The following PPP3CC variants were observed in gnomAD, a reference collection of about 807,000 sequenced individuals.
PPP3CC encodes protein phosphatase 3 catalytic subunit gamma.
In PPP3CC, 35 loss-of-function variants were observed where a neutral mutation model predicts 60.3. The ratio of observed to expected loss-of-function variants is 0.58; its 90% CI spans 0.44 to 0.77. PPP3CC has a LOEUF of 0.77. Ranked by LOEUF, PPP3CC falls within the 30% of genes least tolerant of loss-of-function variation. The pLI is 0.00. For synonymous variants in PPP3CC, 206 were observed against 224.3 expected (o/e 0.92, Z 0.73); for missense variants, 570 against 628.9 (o/e 0.91, Z 1.00).
intron 3 of PPP3CC, chr8:22,492,875 A>G (rs757777379): frequency 2.1e-5 from 23 of 1,084,476 alleles, no homozygotes; most frequent in Non-Finnish European, 3.1e-5. Flanking sequence ...TCACCATTAC[A>G]GGCCATGCTG....
At chr8:22,472,945 A>C (rs1315094280) in intron 1 of PPP3CC, among the ~76,000 whole-genome samples, 1 of 152,128 alleles carries the variant, frequency 6.6e-6, no homozygotes, top group African/African-American at 2.4e-5. Flanking sequence ...TTTCAGCTCC[A>C]TTTAACTACA....
chr8:22,446,097 C>T (rs76362810), intron 1 of PPP3CC, among the ~76,000 whole-genome samples: 2,997 of 152,056 alleles, frequency 0.02, 61 homozygotes, highest in East Asian at 0.085. Flanking sequence ...TTTTGCCTTA[C>T]GTAATTTTTA....
intron 12 of PPP3CC, 122 bp from the exon 13 acceptor site, chr8:22,539,347 T>G: frequency 1.1e-6 from 1 of 885,942 alleles, no homozygotes; most frequent in South Asian, 1.8e-5. Flanking sequence ...TGACTTTCAT[T>G]ATGGATGGGG....
chr8:22,503,952 C>T (rs1246355359), intron 4 of PPP3CC, among the ~76,000 whole-genome samples: 1 of 152,136 alleles, frequency 6.6e-6, no homozygotes, highest in Non-Finnish European at 1.5e-5. Context: ...GATCTCTCTT[C>T]AGTGGCCACT....
chr8:22,476,468 T>C (rs1208394055), intron 3 of PPP3CC, among the ~76,000 whole-genome samples: 1 of 152,240 alleles, frequency 6.6e-6, no homozygotes, highest in Non-Finnish European at 1.5e-5. Flanking sequence ...AGTGTGTTTC[T>C]GGTGGTTAAA....
Position 22,528,252 on chromosome 8 carries a change from C to G in PPP3CC, c.1070-254C>G, listed in dbSNP as rs1167218588. The stretch of plus-strand genomic sequence containing the variant: ...GTGGGAAGAAGCTCTGAACAGCAAT[C>G]CGGTAAAATCAAGTAATTAGGCAAT... On this transcript the variant is annotated intron_variant, in intron 9 of 13. Coordinates refer to ENST00000240139, the MANE Select transcript of PPP3CC (RefSeq NM_005605.5). Among the ~76,000 whole-genome samples, 3 of 152,178 alleles carry G rather than the reference C, an allele frequency of 2.0e-5. No homozygotes were observed. In the East Asian group the frequency reaches 5.8e-4, roughly 29 times the overall value.
At chr8:22,447,068 C>G (rs966355497) in intron 1 of PPP3CC, among the ~76,000 whole-genome samples, 5 of 151,672 alleles carry the variant, frequency 3.3e-5, no homozygotes, top group Non-Finnish European at 7.4e-5. Context: ...AGTACAGTGG[C>G]GCGATCATGG....
In PPP3CC at chr8:22,498,009, G is replaced by A; in HGVS notation, c.381G>A (p.Leu127=). Residue 127 remains leucine, a synonymous_variant, in exon 4 of 14, where the codon CTG becomes CTA. Coordinates refer to ENST00000240139, the MANE Select transcript of PPP3CC (RefSeq NM_005605.5). ...DRGYFSIECV[L]YLWSLKINHP... Reference sequence around the variant, plus strand: ...TTGAATTTGTCTTGTAGTGTGTGCTGTATTTATGGAGTTTAAAGATTAATC... The same window carrying A: ...TTGAATTTGTCTTGTAGTGTGTGCTATATTTATGGAGTTTAAAGATTAATC... The A allele has an allele frequency of 6.2e-7, 1 of 1,609,368 alleles. No homozygotes were observed. Among genetic ancestry groups the A allele is most frequent in the Non-Finnish European group, 8.5e-7 (1 of 1,176,874 alleles).
chr8:22,492,889 C>T, intron 3 of PPP3CC: 16 of 1,151,002 alleles, frequency 1.4e-5, no homozygotes, highest in Non-Finnish European at 2.0e-5. Context: ...CATGCTGAGA[C>T]AAAGCAGCTG....
chr8:22,520,385 A>G (rs2117114775), intron 6 of PPP3CC, among the ~76,000 whole-genome samples: 1 of 152,228 alleles, frequency 6.6e-6, no homozygotes, highest in East Asian at 1.9e-4. Flanking sequence ...GTTAGCCTTT[A>G]GTTTTTAAAA....
chr8:22,473,831 A>G (rs569329471), intron 1 of PPP3CC, among the ~76,000 whole-genome samples: 1 of 152,242 alleles, frequency 6.6e-6, no homozygotes, highest in Admixed American at 6.5e-5. Context: ...CCATCTTGGT[A>G]GTAGTGTTCT....
At chr8:22,468,754 G>A (rs1255551452) in intron 1 of PPP3CC, among the ~76,000 whole-genome samples, 1 of 152,118 alleles carries the variant, frequency 6.6e-6, no homozygotes, top group Non-Finnish European at 1.5e-5. Flanking sequence ...TTGGTGACGG[G>A]CCATTTTTCC....
chr8:22,533,392 T>G (rs1839769036), intron 12 of PPP3CC, among the ~76,000 whole-genome samples: 1 of 152,074 alleles, frequency 6.6e-6, no homozygotes, highest in Non-Finnish European at 1.5e-5. Context: ...AGACACAAAA[T>G]GGAAGAAAAT....
At chr8:22,475,435 T>C in intron 2 of PPP3CC, 65 bp from the exon 3 acceptor site, 1 of 1,503,594 alleles carries the variant, frequency 6.7e-7, no homozygotes, top group Non-Finnish European at 9.0e-7. Flanking sequence ...GTGATCCCTT[T>C]TGGTGTAATG....
chr8:22,508,608 G>A (rs1024551776), intron 4 of PPP3CC, among the ~76,000 whole-genome samples: 29 of 152,110 alleles, frequency 1.9e-4, no homozygotes, highest in African/African-American at 7.0e-4. Context: ...AGTCATTCTT[G>A]GGATTGAAAG....
chr8:22,537,073 T>C (rs1290075585), intron 12 of PPP3CC, among the ~76,000 whole-genome samples: 5 of 152,188 alleles, frequency 3.3e-5, no homozygotes, highest in Admixed American at 1.3e-4. Context: ...AGATCAGTTA[T>C]AAATTGGACT....
At chr8:22,446,883 C>T (rs907460903) in intron 1 of PPP3CC, among the ~76,000 whole-genome samples, 19 of 149,738 alleles carry the variant, frequency 1.3e-4, no homozygotes, top group Admixed American at 2.0e-4. Flanking sequence ...CATTTAATTC[C>T]GGGATTTGTA....
Position 22,522,448 on chromosome 8 carries a change from T to A in PPP3CC, c.771-43T>A, listed in dbSNP as rs752159375. On this transcript the variant is annotated intron_variant, in intron 6 of 13. Coordinates refer to ENST00000240139, the MANE Select transcript of PPP3CC (RefSeq NM_005605.5). ...TTCCCCATCTTCCTATTAAAAAAAA[T>A]TGTTTTAATTCTGGATTTATGTTTT... The A allele has an allele frequency of 4.7e-6, 7 of 1,490,004 alleles. No individual in the cohort carries two copies. The South Asian group carries it at 6.0e-5, about 13-fold the overall frequency. 92.3% of individuals were successfully genotyped at this position (1,490,004 alleles called of 1,614,324 possible). A position where few individuals can be genotyped will look rare whatever the true frequency, so the allele number is the denominator to read the frequency against.
At chr8:22,467,690 G>T (rs1837587298) in intron 1 of PPP3CC, among the ~76,000 whole-genome samples, 1 of 152,294 alleles carries the variant, frequency 6.6e-6, no homozygotes, top group African/African-American at 2.4e-5. Flanking sequence ...GCCTCCCAAT[G>T]TTCTGGGATT....
Sources: allele counts gnomAD v4.1 joint callset (sites outside exome capture counted in the v4.1 genomes callset), GRCh38; gene constraint gnomAD v4.1.1; transcripts MANE v1.5; gene names NCBI Gene and HGNC (gene_info 2026-07-23, HGNC 2026-07-21).